MALRD1: variants seen among roughly 807,000 people sequenced by gnomAD.
MALRD1 encodes MAM and LDL-receptor class A domain-containing protein 1.
A neutral mutation model predicts 242.1 loss-of-function variants in MALRD1; 247 were observed. That is an observed-to-expected ratio of 1.02 (90% confidence interval 0.92 to 1.13). MALRD1 has a LOEUF of 1.13. Ranked by LOEUF, MALRD1 falls within the 50% of genes most tolerant of loss-of-function variation. The probability of loss-of-function intolerance (pLI) is 0.00; values close to 1 mark genes in which losing one functional copy is unlikely to be tolerated. For missense variants in MALRD1, 2,989 were observed against 2,533.1 expected (o/e 1.18, Z -3.86); for synonymous variants, 995 against 866.6 (o/e 1.15, Z -2.60).
At chr10:19,374,299 T>C (rs1845509478) in intron 26 of MALRD1, among the ~76,000 whole-genome samples, 1 of 152,208 alleles carries the variant, frequency 6.6e-6, no homozygotes, top group African/African-American at 2.4e-5. Context: ...TGCTGCAGTA[T>C]GCAGCTCAGA....
At chr10:19,504,280 C>G (rs1838099780) in intron 31 of MALRD1, among the ~76,000 whole-genome samples, 1 of 152,148 alleles carries the variant, frequency 6.6e-6, no homozygotes, top group Non-Finnish European at 1.5e-5. Flanking sequence ...GGATCCGAAT[C>G]CAAGCCCTTT....
At chr10:19,520,911 A>G (rs1306587911) in intron 31 of MALRD1, among the ~76,000 whole-genome samples, 1 of 152,160 alleles carries the variant, frequency 6.6e-6, no homozygotes, top group Non-Finnish European at 1.5e-5. Context: ...CAGATACCCA[A>G]TCAAATATTC....
rs527719711 is a variant in MALRD1 at position 19,683,720 on chromosome 10, A to G, written c.6138-8562A>G. ...TGCTCTCATAACAGATAAAAATTGT[A>G]AAGTTAATTAGCATTACAAATGATT... On this transcript the variant is annotated intron_variant, in intron 36 of 39. Transcript: ENST00000454679. 8.5e-5 allele frequency among the ~76,000 whole-genome samples: 13 copies of G among 152,344 alleles called. No individual in the cohort carries two copies. The South Asian group carries it at 2.7e-3, about 32-fold the overall frequency.
rs527673382 is a variant in MALRD1 at position 19,312,272 on chromosome 10, T to C, written c.3420-11677T>C. 2.5e-4 allele frequency among the ~76,000 whole-genome samples: 38 copies of C among 151,056 alleles called. No homozygotes were observed. In the South Asian group the frequency reaches 7.1e-3, roughly 28 times the overall value. On this transcript the variant is annotated intron_variant, in intron 21 of 39. Transcript: ENST00000454679. ...TCCATTGAATGTTTATATCCAAGGG[T>C]CGGCTTTTTCTGTATAACACATTAC...
intron 38 of MALRD1, among the ~76,000 whole-genome samples, chr10:19,693,864 G>A (rs1471735903): frequency 2.0e-5 from 3 of 152,234 alleles, no homozygotes; most frequent in Non-Finnish European, 4.4e-5. Flanking sequence ...CATGGTACTG[G>A]TACCAAAACA....
At chr10:19,529,564 A>G (rs1296303439) in intron 31 of MALRD1, among the ~76,000 whole-genome samples, 1 of 151,840 alleles carries the variant, frequency 6.6e-6, no homozygotes, top group Non-Finnish European at 1.5e-5. Context: ...GGAGAAAACA[A>G]AGATTAAGGA....
At chr10:19,356,677 C>A (rs1185808671) in intron 26 of MALRD1, among the ~76,000 whole-genome samples, 1 of 151,974 alleles carries the variant, frequency 6.6e-6, no homozygotes, top group Non-Finnish European at 1.5e-5. Context: ...TATTGGTTAC[C>A]CCAGTGGACA....
intron 33 of MALRD1, among the ~76,000 whole-genome samples, chr10:19,585,992 A>G (rs1837373293): frequency 6.6e-6 from 1 of 151,988 alleles, no homozygotes; most frequent in Non-Finnish European, 1.5e-5. Context: ...TCCATCGCTG[A>G]TACCCTTTCT....
chr10:19,175,246 C>T lies in MALRD1; in HGVS notation c.1869C>T (p.Thr623=). 2.4e-6 allele frequency: 3 copies of T among 1,230,002 alleles called. No homozygotes were observed. The highest frequency in any genetic ancestry group is 1.0e-6 in the Non-Finnish European group (1 of 986,946). 76.2% of individuals were successfully genotyped at this position (1,230,002 alleles called of 1,614,324 possible). A position where few individuals can be genotyped will look rare whatever the true frequency, so the allele number is the denominator to read the frequency against. Residue 623 remains threonine (T), a synonymous_variant, in exon 14 of 40, where the codon ACC becomes ACT. Transcript: ENST00000454679. The part of the protein sequence containing the change: ...LEATVLSSNA[T]VALDDISVSQ... ...CTACTGTTTTGTCGTCAAATGCTAC[C>T]GTTGCTCTAGATGACATCAGTGTGT...
Position 19,204,975 on chromosome 10 carries a change from T to C in MALRD1, c.2288T>C (p.Ile763Thr). ...HMENSHDSTV[I>T]WRVLYNQGKQ... ...GAAAATTCTCATGACTCAACAGTGA[T>C]TTGGAGAGTATTATACAATCAGGGC... Residue 763 changes from isoleucine to threonine, a missense_variant, in exon 17 of 40, where the codon ATT becomes ACT. By Grantham distance (89) the Ile-to-Thr change is moderately conservative. Transcript: ENST00000454679. 1 of 1,550,700 alleles carries C rather than the reference T, an allele frequency of 6.4e-7. No homozygotes were observed.
chr10:19,319,219 T>A (rs1203300699), intron 21 of MALRD1, among the ~76,000 whole-genome samples: 1 of 152,108 alleles, frequency 6.6e-6, no homozygotes, highest in Non-Finnish European at 1.5e-5. Context: ...GAAAACAAAC[T>A]TTCTTACTCC....
At chr10:19,429,775 A>C (rs906034071) in intron 28 of MALRD1, among the ~76,000 whole-genome samples, 7 of 152,176 alleles carry the variant, frequency 4.6e-5, no homozygotes, top group Middle Eastern at 3.4e-3. Context: ...TAATGAATTT[A>C]TGATATCTAA....
chr10:19,470,443 T>C (rs1405802685), intron 29 of MALRD1, among the ~76,000 whole-genome samples: 1 of 152,080 alleles, frequency 6.6e-6, no homozygotes, highest in African/African-American at 2.4e-5. Context: ...TCAATTCCTT[T>C]GGGATATATA....
chr10:19,103,181 C>T (rs1455661923), intron 4 of MALRD1, among the ~76,000 whole-genome samples: 2 of 152,020 alleles, frequency 1.3e-5, no homozygotes, highest in Non-Finnish European at 2.9e-5. Context: ...AGTCACAGAA[C>T]AATCATTTCC....
chr10:19,338,728 C>T (rs1843711152), intron 24 of MALRD1, among the ~76,000 whole-genome samples: 1 of 146,132 alleles, frequency 6.8e-6, no homozygotes, highest in Non-Finnish European at 1.5e-5. Context: ...TCTCCTCAAG[C>T]ATTTATCCTT....
chr10:19,238,615 A>T (rs1181784148), intron 18 of MALRD1, among the ~76,000 whole-genome samples: 1 of 102,440 alleles, frequency 9.8e-6, no homozygotes, highest in Admixed American at 1.2e-4. Context: ...TTGTTTTTAG[A>T]CACACAGGTT....
At chr10:19,459,989 T>G (rs1835856939) in intron 29 of MALRD1, among the ~76,000 whole-genome samples, 1 of 152,086 alleles carries the variant, frequency 6.6e-6, no homozygotes, top group Non-Finnish European at 1.5e-5. Flanking sequence ...TCATGTAATT[T>G]CTAATTAGAA....
chr10:19,052,143 C>CT, intron 1 of MALRD1: 1 of 444,780 alleles, frequency 2.2e-6, no homozygotes, highest in Non-Finnish European at 4.4e-6. Flanking sequence ...CTTGCAAGAG[C>CT]TTTGGTGCCT....
intron 33 of MALRD1, among the ~76,000 whole-genome samples, chr10:19,570,760 TGAAA>T (rs1301599062): frequency 6.6e-6 from 1 of 152,094 alleles, no homozygotes; most frequent in African/African-American, 2.4e-5. Flanking sequence ...GTATAAATCC[TGAAA>T]GATATACAAA....
Sources: allele counts gnomAD v4.1 joint callset (sites outside exome capture counted in the v4.1 genomes callset), GRCh38; gene constraint gnomAD v4.1.1; transcripts MANE v1.5; gene names NCBI Gene and HGNC (gene_info 2026-07-23, HGNC 2026-07-21).